The following ANO5 variants were observed in gnomAD, a reference collection of about 807,000 sequenced individuals.
The protein encoded by ANO5 is anoctamin 5.
A neutral mutation model predicts 121.0 loss-of-function variants in ANO5; 109 were observed. That is an observed-to-expected ratio of 0.90 (90% CI 0.77 to 1.06). The LOEUF (loss-of-function observed/expected upper bound fraction) is 1.06. ANO5 is among the 50% of genes least tolerant of loss of function. The pLI is 0.00. For missense variants in ANO5, 1,064 were observed against 1,078.5 expected (o/e 0.99, Z 0.19); for synonymous variants, 406 against 359.9 (o/e 1.13, Z -1.45).
At chr11:22,274,832 A>G in intron 20 of ANO5, 85 bp downstream of exon 20, 1 of 1,494,770 alleles carries the variant, frequency 6.7e-7, no homozygotes, top group South Asian at 1.2e-5. Flanking sequence ...CTGTCTTACA[A>G]TATAAAGGAT....
chr11:22,274,449 T>C, intron 19 of ANO5, 120 bp from the exon 20 acceptor site: 4 of 911,828 alleles, frequency 4.4e-6, no homozygotes, highest in Non-Finnish European at 1.6e-6. Flanking sequence ...CTATGATTTA[T>C]AATAGTATTT....
intron 17 of ANO5, among the ~76,000 whole-genome samples, chr11:22,264,062 T>C (rs12279276): frequency 0.14 from 20,131 of 146,936 alleles, 4,339 homozygotes; most frequent in African/African-American, 0.46. Context: ...TACACTCTGT[T>C]GCCCAGGCTG....
chr11:22,282,587 AAG>A lies in ANO5; in HGVS notation c.*2825_*2826del, dbSNP rs1855121295. Reference sequence around the variant, plus strand: ...GAATCCTGTGTGTTTCTTTGGAAGAAAGAGCTGTTCCGAGGAAGTTTGGTCCA... The same window carrying A: ...GAATCCTGTGTGTTTCTTTGGAAGAAAGCTGTTCCGAGGAAGTTTGGTCCA... On this transcript the variant is annotated 3_prime_UTR_variant, in exon 22 of 22. Coordinates refer to ENST00000324559, the MANE Select transcript of ANO5 (RefSeq NM_213599.3). 1.3e-5 allele frequency: 2 copies of A among 151,952 alleles called. No homozygotes were observed. The highest frequency in any genetic ancestry group is 4.1e-4 in the South Asian group (2 of 4,834). 9.4% of individuals were successfully genotyped at this position (151,952 alleles called of 1,614,324 possible).
chr11:22,204,308 C>A (rs1852048629), intron 2 of ANO5, among the ~76,000 whole-genome samples: 1 of 152,048 alleles, frequency 6.6e-6, no homozygotes, highest in Admixed American at 6.6e-5. Context: ...ATACAGAATT[C>A]TTTTAACCAA....
chr11:22,243,968 T>A (rs891200176), intron 9 of ANO5, among the ~76,000 whole-genome samples: 12 of 152,122 alleles, frequency 7.9e-5, no homozygotes, highest in Non-Finnish European at 1.6e-4. Context: ...CTTGTTGTTT[T>A]GTAGACTTGA....
chr11:22,208,631 C>T (rs1034459816), intron 2 of ANO5, among the ~76,000 whole-genome samples: 11 of 151,914 alleles, frequency 7.2e-5, no homozygotes, highest in East Asian at 5.8e-4. Flanking sequence ...ATTGTACACA[C>T]GTGACAAAAT....
intron 17 of ANO5, 142 bp downstream of exon 17, chr11:22,263,185 G>A: frequency 1.5e-6 from 1 of 656,470 alleles, no homozygotes; most frequent in Non-Finnish European, 2.6e-6. Flanking sequence ...TTAATCAACA[G>A]TGAAGGTTGC....
intron 3 of ANO5, among the ~76,000 whole-genome samples, chr11:22,217,035 A>G (rs1031450443): frequency 3.3e-5 from 5 of 151,996 alleles, no homozygotes; most frequent in African/African-American, 1.2e-4. Flanking sequence ...AATATATTTT[A>G]TGTAATGACC....
rs987664850 is a variant in ANO5 at position 22,281,660 on chromosome 11, A to C, written c.*1895A>C. 7.5e-6 allele frequency: 1 copy of C among 133,154 alleles called. No homozygotes were observed. Among genetic ancestry groups the C allele is most frequent in the African/African-American group, 2.6e-5 (1 of 38,568 alleles). 8.2% of individuals were successfully genotyped at this position (133,154 alleles called of 1,614,324 possible). A position where few individuals can be genotyped will look rare whatever the true frequency, so the allele number is the denominator to read the frequency against. ...TCCTGGGTGCTGATAAAAATAAGAA[A>C]GAGCATGGAAATTGGTTTCTTGAAT... On this transcript the variant is annotated 3_prime_UTR_variant, in exon 22 of 22. Coordinates refer to ENST00000324559, the MANE Select transcript of ANO5 (RefSeq NM_213599.3).
chr11:22,193,229 G>C lies in ANO5; in HGVS notation c.-264G>C. On this transcript the variant is annotated 5_prime_UTR_variant, in exon 1 of 22. Coordinates refer to ENST00000324559, the MANE Select transcript of ANO5 (RefSeq NM_213599.3). ...GGTGGGGAAGCGCAGGGCCAAGCGCGCGAAGCAGGTTGTGGGGGACCGGGT... is the reference window on the plus strand; with the variant it reads ...GGTGGGGAAGCGCAGGGCCAAGCGCCCGAAGCAGGTTGTGGGGGACCGGGT... 1 of 1,349,126 alleles carries C rather than the reference G, an allele frequency of 7.4e-7. No individual in the cohort carries two copies. Among genetic ancestry groups the C allele is most frequent in the Non-Finnish European group, 9.6e-7 (1 of 1,044,244 alleles). The allele number at this position is 1,349,126 out of a possible 1,614,324, so 83.6% of individuals were successfully genotyped here.
intron 3 of ANO5, among the ~76,000 whole-genome samples, chr11:22,217,715 T>C (rs1432112043): frequency 2.6e-5 from 4 of 151,776 alleles, no homozygotes; most frequent in Admixed American, 2.6e-4. Context: ...CACTGATAAG[T>C]GGGAGATAAA....
In ANO5 at chr11:22,255,523, G is replaced by A. The variant is rs1590292818; in HGVS notation, c.1332+1G>A. ...CAGGAAATTGAATGCAGTGACTAAG[G>A]TAGACTAGAAAACTGTGAAACGGAC... On this transcript the variant is annotated splice_donor_variant, in intron 13 of 21. Coordinates refer to ENST00000324559, the MANE Select transcript of ANO5 (RefSeq NM_213599.3). LOFTEE classifies it high-confidence loss of function. 1 of 1,612,812 alleles carries A rather than the reference G, an allele frequency of 6.2e-7. No homozygotes were observed. Among genetic ancestry groups the A allele is most frequent in the Non-Finnish European group, 8.5e-7 (1 of 1,179,100 alleles).
chr11:22,223,916 C>T (rs1285116999), intron 5 of ANO5, among the ~76,000 whole-genome samples: 1 of 151,660 alleles, frequency 6.6e-6, no homozygotes, highest in African/African-American at 2.4e-5. Context: ...TAAACCTATT[C>T]CTTTCAAGCC....
chr11:22,217,996 CTATT>C (rs1852508882), intron 3 of ANO5, among the ~76,000 whole-genome samples: 1 of 151,790 alleles, frequency 6.6e-6, no homozygotes. Context: ...TTTTTAGTCA[CTATT>C]TAAAGAATTT....
chr11:22,206,131 T>C (rs1230547661), intron 2 of ANO5, among the ~76,000 whole-genome samples: 1 of 152,016 alleles, frequency 6.6e-6, no homozygotes, highest in Non-Finnish European at 1.5e-5. Flanking sequence ...CTACGTAACT[T>C]TGATACCAAA....
chr11:22,257,738 C>A lies in ANO5; in HGVS notation c.1391C>A (p.Ala464Asp), dbSNP rs529961953. ...ATTCCATGGTACTTTCTTTCAGGAG[C>A]CACAGTGACATTATGGGTGAGCATT... ...TRIPWYFLSG[A>D]TVTLWMSLVV... Residue 464 changes from alanine (A) to aspartate (D), a missense_variant, in exon 14 of 22, where the codon GCC becomes GAC. Ala to Asp is a moderately radical substitution (Grantham distance 126). Transcript: ENST00000324559. 3 of 1,611,436 alleles carry A rather than the reference C, an allele frequency of 1.9e-6. No individual in the cohort carries two copies. Among genetic ancestry groups the A allele is most frequent in the Non-Finnish European group, 2.5e-6 (3 of 1,177,824 alleles).
At chr11:22,271,767 T>G (rs1456560676) in intron 18 of ANO5, among the ~76,000 whole-genome samples, 5 of 152,190 alleles carry the variant, frequency 3.3e-5, no homozygotes, top group Admixed American at 6.5e-5. Context: ...GAAACTTGCA[T>G]AGGTTAATAA....
intron 19 of ANO5, among the ~76,000 whole-genome samples, chr11:22,273,459 C>G (rs955742812): frequency 6.6e-6 from 1 of 151,972 alleles, no homozygotes; most frequent in Non-Finnish European, 1.5e-5. Context: ...AAAAGAAAAT[C>G]TAACACTTTT....
chr11:22,226,199 G>C, intron 6 of ANO5, 147 bp downstream of exon 6: 1 of 675,680 alleles, frequency 1.5e-6, no homozygotes, highest in South Asian at 1.7e-5. Context: ...GATAGGGCCT[G>C]TGGTCTTACA....
Sources: gnomAD v4.1 joint callset for allele counts (sites outside exome capture counted in the v4.1 genomes callset) on GRCh38, gnomAD v4.1.1 for gene constraint, MANE v1.5 for transcripts, NCBI Gene and HGNC (gene_info 2026-07-23, HGNC 2026-07-21) for gene names.